UGT1A7: variants seen among roughly 807,000 people sequenced by gnomAD.
UGT1A7 encodes UDP-glucuronosyltransferase 1A7.
Under a neutral mutation model 45.6 loss-of-function variants are expected in UGT1A7, and 33 were observed. The ratio of observed to expected loss-of-function variants is 0.72; its 90% CI spans 0.55 to 0.97. The LOEUF (loss-of-function observed/expected upper bound fraction) is 0.97. UGT1A7 is among the 50% of genes least tolerant of loss of function. UGT1A7 has a pLI of 0.00. For missense variants in UGT1A7, 684 were observed against 666.2 expected (o/e 1.03, Z -0.29); for synonymous variants, 274 against 250.6 (o/e 1.09, Z -0.88).
At chr2:233,736,010 G>A (rs1165111643) in intron 1 of UGT1A7, among the ~76,000 whole-genome samples, 2 of 152,178 alleles carry the variant, frequency 1.3e-5, no homozygotes, top group East Asian at 1.9e-4. Flanking sequence ...TTCTCGAGGA[G>A]TATCTTTGTG....
chr2:233,720,111 A>T (rs375337580), intron 1 of UGT1A7, among the ~76,000 whole-genome samples: 1 of 152,208 alleles, frequency 6.6e-6, no homozygotes, highest in African/African-American at 2.4e-5. Context: ...ATCTTGCGAA[A>T]GATACAGAGG....
chr2:233,743,915 A>G (rs769255302), intron 1 of UGT1A7: 3 of 1,364,544 alleles, frequency 2.2e-6, no homozygotes, highest in East Asian at 4.6e-5. Flanking sequence ...GTAGTCCACC[A>G]TGCTGGATGG....
chr2:233,693,495 G>T (rs756909037), intron 1 of UGT1A7: 7 of 1,614,068 alleles, frequency 4.3e-6, no homozygotes, highest in Non-Finnish European at 5.9e-6. Context: ...GAGTATTTGG[G>T]CCTACCATCT....
chr2:233,743,398 G>A, intron 1 of UGT1A7: 3 of 1,279,318 alleles, frequency 2.3e-6, no homozygotes. Context: ...GCAGAAGGAA[G>A]AAAGGCCCCC....
At position 233,768,455 on chromosome 2, in the gene UGT1A7, C is replaced by T. The variant is rs781674536; in HGVS notation, c.1295+16C>T. 1.9e-6 allele frequency: 3 copies of T among 1,610,240 alleles called. No individual in the cohort carries two copies. The highest frequency in any genetic ancestry group is 2.2e-5 in the East Asian group (1 of 44,770). On this transcript the variant is annotated intron_variant, in intron 4 of 4. Coordinates refer to ENST00000373426, the MANE Select transcript of UGT1A7 (RefSeq NM_019077.3). ...ATGACAAAAGGTAAGAAAGAAGATA[C>T]AGAAGAATACTTTGGTCATGGCATT... is the stretch of plus-strand genomic sequence containing the variant.
In UGT1A7 at chr2:233,769,623, G is replaced by A. The variant is rs1699907575; in HGVS notation, c.1295+1184G>A. The A allele has an allele frequency of 6.2e-7, 1 of 1,612,212 alleles. No homozygotes were observed. Among genetic ancestry groups the A allele is most frequent in the Non-Finnish European group, 8.5e-7 (1 of 1,179,652 alleles). On this transcript the variant is annotated intron_variant, in intron 4 of 4. Transcript: ENST00000373426. This position sits in a 1 kb window ranked among gnomAD's most constrained non-coding sequence, Gnocchi z 4.4. Reference sequence around the variant, plus strand: ...ACGGGGACACACCAGCTTGAGCAAGGGACAACAGGGGAGGACTGATGACTG... The same window carrying A: ...ACGGGGACACACCAGCTTGAGCAAGAGACAACAGGGGAGGACTGATGACTG...
At chr2:233,728,328 T>C (rs2077699714) in intron 1 of UGT1A7, among the ~76,000 whole-genome samples, 1 of 152,118 alleles carries the variant, frequency 6.6e-6, no homozygotes, top group Admixed American at 6.5e-5. Flanking sequence ...AGGCTCCAGC[T>C]CCCCCAGTCC....
At chr2:233,753,025 C>CA in intron 1 of UGT1A7, among the ~76,000 whole-genome samples, 1 of 152,200 alleles carries the variant, frequency 6.6e-6, no homozygotes, top group East Asian at 1.9e-4. Context: ...ATTTACAACA[C>CA]AAAAAACTAC....
chr2:233,747,949 T>G lies in UGT1A7; in HGVS notation c.856-19085T>G. ...CTTTTTCAGAGGGAGGTGTCAGTGG[T>G]GGATCTTCTCAGCCATGCATCTGTG... is the stretch of plus-strand genomic sequence containing the variant. On this transcript the variant is annotated intron_variant, in intron 1 of 4. Transcript: ENST00000373426. 2.5e-6 allele frequency: 4 copies of G among 1,613,408 alleles called. No individual in the cohort carries two copies. In the South Asian group the frequency reaches 4.4e-5, roughly 18 times the overall value.
intron 1 of UGT1A7, chr2:233,692,968 A>G: frequency 6.2e-7 from 1 of 1,609,996 alleles, no homozygotes; most frequent in Non-Finnish European, 8.5e-7. Flanking sequence ...GAGAGTGAAA[A>G]CTCTTTATTA....
intron 1 of UGT1A7, among the ~76,000 whole-genome samples, chr2:233,695,570 C>A (rs1024150406): frequency 6.6e-6 from 1 of 151,936 alleles, no homozygotes; most frequent in Non-Finnish European, 1.5e-5. Flanking sequence ...TTTCACCCCC[C>A]CTTCCCTACT....
intron 1 of UGT1A7, chr2:233,718,024 G>A (rs566004281): frequency 1.0e-5 from 4 of 386,248 alleles, no homozygotes; most frequent in South Asian, 1.9e-5. Context: ...CAGCTCCCCA[G>A]GTCCTTTGGT....
At chr2:233,743,673 G>C (rs1692427758) in intron 1 of UGT1A7, 4 of 1,367,190 alleles carry the variant, frequency 2.9e-6, no homozygotes, top group Middle Eastern at 4.2e-4. Context: ...TCCTCGAAGG[G>C]CCTGCCGCCT....
chr2:233,765,512 A>T (rs1230847041), intron 1 of UGT1A7, among the ~76,000 whole-genome samples: 5 of 152,144 alleles, frequency 3.3e-5, no homozygotes, highest in African/African-American at 1.2e-4. Flanking sequence ...AGGAACAGAA[A>T]ATCAAACACC....
At chr2:233,717,542 C>T (rs539125114) in intron 1 of UGT1A7, among the ~76,000 whole-genome samples, 1 of 152,330 alleles carries the variant, frequency 6.6e-6, no homozygotes, top group South Asian at 2.1e-4. Flanking sequence ...AAGCCTCAGC[C>T]TCACCAGCAA....
At chr2:233,693,762 G>C in intron 1 of UGT1A7, 1 of 1,614,206 alleles carries the variant, frequency 6.2e-7, no homozygotes, top group Non-Finnish European at 8.5e-7. Flanking sequence ...GTCTCTGTTT[G>C]GCTGTTAAGA....
intron 1 of UGT1A7, among the ~76,000 whole-genome samples, chr2:233,735,030 C>T (rs1056371330): frequency 3.9e-5 from 6 of 152,186 alleles, no homozygotes; most frequent in African/African-American, 1.2e-4. Context: ...TCTATTAGGT[C>T]TGCTTGGTGC....
In UGT1A7 at chr2:233,761,113, G is replaced by C. The variant is rs72551345; in HGVS notation, c.856-5921G>C. 5.6e-6 allele frequency: 9 copies of C among 1,614,106 alleles called. No homozygotes were observed. In the South Asian group the frequency reaches 9.9e-5, roughly 18 times the overall value. ...CATCATGCCCAATATGGTTTTTGTT[G>C]GTGGAATCAACTGCCTTCACCAAAA... On this transcript the variant is annotated intron_variant, in intron 1 of 4. Coordinates refer to ENST00000373426, the MANE Select transcript of UGT1A7 (RefSeq NM_019077.3).
chr2:233,760,198 T>A (rs907119126), intron 1 of UGT1A7: 1 of 1,579,636 alleles, frequency 6.3e-7, no homozygotes, highest in South Asian at 1.1e-5. Context: ...CGTGACACAG[T>A]CAAACATTAA....
Sources: gnomAD v4.1 joint callset for allele counts (sites outside exome capture counted in the v4.1 genomes callset) on GRCh38, gnomAD v4.1.1 for gene constraint, Gnocchi (gnomAD v3.1) non-coding constraint, MANE v1.5 for transcripts, NCBI Gene and HGNC (gene_info 2026-07-23, HGNC 2026-07-21) for gene names.